Variants in RBFOX1 observed in about 807,000 individuals in gnomAD.
RBFOX1 encodes RNA binding protein fox-1 homolog 1.
Under a neutral mutation model 57.7 loss-of-function variants are expected in RBFOX1, and 8 were observed. The observed-to-expected ratio is 0.14, with a 90% confidence interval of 0.08 to 0.25. The LOEUF is 0.25. Among genes scored for constraint, RBFOX1 ranks in the 10% least tolerant of loss-of-function variants. The probability of loss-of-function intolerance (pLI) is 1.00; values close to 1 mark genes in which losing one functional copy is unlikely to be tolerated. For synonymous variants in RBFOX1, 326 were observed against 222.4 expected, an observed-to-expected ratio of 1.47 and a Z score of -4.15; for missense variants, 611 against 548.5, an observed-to-expected ratio of 1.11 and a Z score of -1.14.
intron 12 of RBFOX1, among the ~76,000 whole-genome samples, chr16:7,664,384 A>G (rs986472880): frequency 3.3e-5 from 5 of 152,200 alleles, no homozygotes; most frequent in Non-Finnish European, 7.3e-5. Flanking sequence ...CAATTACCAA[A>G]TATAATACAA....
chr16:6,521,439 C>T (rs1465347221), intron 2 of RBFOX1, among the ~76,000 whole-genome samples: 6 of 142,468 alleles, frequency 4.2e-5, no homozygotes, highest in East Asian at 2.2e-4. Context: ...CCCTTCCCTC[C>T]CCTCCCCTCC....
At chr16:6,217,779 C>G (rs186260320) in intron 1 of RBFOX1, among the ~76,000 whole-genome samples, 2 of 152,174 alleles carry the variant, frequency 1.3e-5, no homozygotes, top group South Asian at 2.1e-4. Flanking sequence ...CTTTGGGAGG[C>G]TAAGGCGGGT....
intron 1 of RBFOX1, among the ~76,000 whole-genome samples, chr16:6,031,140 G>A (rs1443776910): frequency 3.9e-5 from 6 of 152,206 alleles, no homozygotes; most frequent in African/African-American, 1.4e-4. Context: ...TCCAAGGAGA[G>A]GTATTGGGCC....
intron 4 of RBFOX1, among the ~76,000 whole-genome samples, chr16:5,941,019 T>C (rs1156588881): frequency 6.6e-6 from 1 of 152,194 alleles, no homozygotes; most frequent in Admixed American, 6.5e-5. Context: ...AACATACTTA[T>C]CTACTGGTGG....
chr16:7,085,418 T>A (rs2059842004), intron 4 of RBFOX1, among the ~76,000 whole-genome samples: 1 of 152,110 alleles, frequency 6.6e-6, no homozygotes, highest in South Asian at 2.1e-4. Flanking sequence ...TATTGGCAAA[T>A]AAGTTATGTT....
chr16:6,628,387 GC>G (rs1341528788), intron 2 of RBFOX1, among the ~76,000 whole-genome samples: 2 of 152,158 alleles, frequency 1.3e-5, no homozygotes, highest in Non-Finnish European at 2.9e-5. Context: ...ACATGGACAT[GC>G]ATTTTGTTGT....
intron 4 of RBFOX1, among the ~76,000 whole-genome samples, chr16:7,068,049 CTCT>C (rs1188690754): frequency 1.3e-5 from 2 of 150,498 alleles, no homozygotes; most frequent in African/African-American, 4.9e-5. Flanking sequence ...TCTCTCGTGC[CTCT>C]TCTTCTGTTG....
Position 6,819,722 on chromosome 16 carries a change from AAAAAAAAAAT to A in RBFOX1, c.-16+165075_-16+165084del, listed in dbSNP as rs1286941377. Among the ~76,000 whole-genome samples, 6 of 144,708 alleles carry A rather than the reference AAAAAAAAAAT, an allele frequency of 4.1e-5. 1 individual carries two copies. Among genetic ancestry groups the A allele is most frequent in the South Asian group, 4.5e-4 (2 of 4,480 alleles). The allele number at this position is 144,708 out of a possible 152,430, so 94.9% of individuals were successfully genotyped here. A position where few individuals can be genotyped will look rare whatever the true frequency, so the allele number is the denominator to read the frequency against. On this transcript the variant is annotated intron_variant, in intron 3 of 15. Transcript: ENST00000550418. ...CTCTGACTCAAAAAAAAAAAAAAAA[AAAAAAAAAAT>A]AACAACACCAAAAGGTATATAGTAT...
At chr16:5,964,961 A>AAAG (rs2059816058) in intron 4 of RBFOX1, among the ~76,000 whole-genome samples, 1 of 152,172 alleles carries the variant, frequency 6.6e-6, no homozygotes, top group Non-Finnish European at 1.5e-5. Flanking sequence ...TCAGTCTTAA[A>AAAG]AAGGAGTTTT....
At chr16:6,149,268 A>G (rs982230352) in intron 1 of RBFOX1, among the ~76,000 whole-genome samples, 2 of 152,224 alleles carry the variant, frequency 1.3e-5, no homozygotes, top group East Asian at 1.9e-4. Flanking sequence ...GCCAGTAAAT[A>G]GACGAGGTGT....
At chr16:7,085,358 C>CAA (rs200042608) in intron 4 of RBFOX1, among the ~76,000 whole-genome samples, 1 of 150,224 alleles carries the variant, frequency 6.7e-6, no homozygotes, top group Non-Finnish European at 1.5e-5. Context: ...GCCAGTACTT[C>CAA]AAAAAAAAAT....
chr16:7,271,811 T>C (rs760208705), intron 4 of RBFOX1, among the ~76,000 whole-genome samples: 1 of 151,978 alleles, frequency 6.6e-6, no homozygotes, highest in African/African-American at 2.4e-5. Flanking sequence ...AATGTCTGGG[T>C]TTCACTCAGG....
At chr16:5,455,005 TTCTTTCTTTCTTTCTTTCTCTCTCTCTG>T (rs2068581660) in intron 1 of RBFOX1, among the ~76,000 whole-genome samples, 1 of 112,988 alleles carries the variant, frequency 8.9e-6, no homozygotes, top group African/African-American at 3.1e-5. Context: ...CTTTCTTTCT[TTCTTTCTTTCTTTCTTTCTCTCTCTCTG>T]TCTGTCTCTC....
intron 3 of RBFOX1, among the ~76,000 whole-genome samples, chr16:6,895,593 A>G (rs1460854306): frequency 6.6e-6 from 1 of 151,026 alleles, no homozygotes; most frequent in Admixed American, 6.6e-5. Flanking sequence ...AATTTTTTTA[A>G]AGGAGGAAGT....
chr16:6,088,814 C>T (rs920884248), intron 1 of RBFOX1, among the ~76,000 whole-genome samples: 11 of 151,922 alleles, frequency 7.2e-5, no homozygotes, highest in African/African-American at 1.9e-4. Context: ...ATCTATGATC[C>T]GGCCAGGCGC....
At chr16:5,648,449 G>A (rs1214460058) in intron 3 of RBFOX1, among the ~76,000 whole-genome samples, 1 of 152,190 alleles carries the variant, frequency 6.6e-6, no homozygotes, top group Non-Finnish European at 1.5e-5. Context: ...CTAGACCAGG[G>A]CTTTTCAACC....
chr16:5,313,695 T>C (rs984265538), intron 1 of RBFOX1, among the ~76,000 whole-genome samples: 31 of 152,274 alleles, frequency 2.0e-4, no homozygotes, highest in African/African-American at 7.5e-4. Flanking sequence ...GGAACTCCTC[T>C]TTTTAAAACC....
chr16:6,391,434 C>T (rs553432952), intron 2 of RBFOX1, among the ~76,000 whole-genome samples: 35 of 150,014 alleles, frequency 2.3e-4, no homozygotes, highest in Admixed American at 4.0e-4. Context: ...GACGTGAACC[C>T]GGGAGGTGGA....
chr16:5,704,683 G>T (rs1013844193), intron 3 of RBFOX1, among the ~76,000 whole-genome samples: 1 of 152,116 alleles, frequency 6.6e-6, no homozygotes, highest in African/African-American at 2.4e-5. Context: ...ATTCTGAGGT[G>T]GCTAGGGTTT....
Sources: allele counts gnomAD v4.1 joint callset (sites outside exome capture counted in the v4.1 genomes callset), GRCh38; gene constraint gnomAD v4.1.1; transcripts MANE v1.5; gene names NCBI Gene and HGNC (gene_info 2026-07-23, HGNC 2026-07-21).